The following NUP43 variants were observed in gnomAD, a reference collection of about 807,000 sequenced individuals.
The protein encoded by NUP43 is nucleoporin 43, also known as nucleoporin Nup43.
NUP43 carries 32 observed loss-of-function variants against 47.3 expected under a neutral mutation model. That is an observed-to-expected ratio of 0.68 (90% CI 0.51 to 0.91). The LOEUF (loss-of-function observed/expected upper bound fraction) is 0.91. Among genes scored for constraint, NUP43 ranks in the 40% least tolerant of loss-of-function variants. The probability of loss-of-function intolerance (pLI) is 0.00; values close to 1 mark genes in which losing one functional copy is unlikely to be tolerated. For missense variants in NUP43, 444 were observed against 453.9 expected (o/e 0.98, Z 0.20); for synonymous variants, 147 against 158.4 (o/e 0.93, Z 0.54).
intron 7 of NUP43, 187 bp downstream of exon 7, chr6:149,731,426 G>A: frequency 2.4e-6 from 1 of 423,780 alleles, no homozygotes; most frequent in Non-Finnish European, 4.2e-6. Flanking sequence ...GCCGGGCACG[G>A]TGGTGCATGA....
At chr6:149,748,808 CAAAAAAAAA>C (rs1161065299), upstream of NUP43, among the ~76,000 whole-genome samples, 286 of 87,328 alleles carry the variant, frequency 3.3e-3, 6 homozygotes, top group South Asian at 0.024. Context: ...GACTCCGTCT[CAAAAAAAAA>C]AAAAAAAAAA....
chr6:149,742,974 G>A (rs1396246746), intron 3 of NUP43, among the ~76,000 whole-genome samples: 1 of 151,834 alleles, frequency 6.6e-6, no homozygotes, highest in Non-Finnish European at 1.5e-5. Flanking sequence ...TCAGGGGTTC[G>A]AGACCAGCCT....
intron 2 of NUP43, 43 bp downstream of exon 2, chr6:149,745,897 T>A: frequency 6.4e-7 from 1 of 1,567,560 alleles, no homozygotes; most frequent in Non-Finnish European, 8.6e-7. Context: ...AATGTATTAC[T>A]CAGGACTTTC....
chr6:149,740,718 C>T (rs938544823), intron 4 of NUP43, among the ~76,000 whole-genome samples: 14 of 152,106 alleles, frequency 9.2e-5, no homozygotes, highest in African/African-American at 3.4e-4. Context: ...GAGTGGTCGA[C>T]AGTTAAAAAA....
chr6:149,733,606 T>C (rs1304756833), intron 6 of NUP43, among the ~76,000 whole-genome samples: 2 of 152,060 alleles, frequency 1.3e-5, no homozygotes, highest in Admixed American at 1.3e-4. Flanking sequence ...TCACCATACC[T>C]GGCTAACTTT....
In NUP43 at chr6:149,746,400, G is replaced by C. The variant is rs1199930473; in HGVS notation, c.96C>G (p.Phe32Leu). 6.2e-7 allele frequency: 1 copy of C among 1,614,190 alleles called. No homozygotes were observed. Among genetic ancestry groups the C allele is most frequent in the Non-Finnish European group, 8.5e-7 (1 of 1,180,030 alleles). The change falls in exon 1 of 8, where the codon TTC becomes TTG. Residue 32 changes from phenylalanine (F) to leucine (L), a missense_variant. Physicochemically the swap from Phe to Leu is conservative, Grantham distance 22 (BLOSUM62 0). Coordinates refer to ENST00000340413, the MANE Select transcript of NUP43 (RefSeq NM_198887.3). ...CCTCATTGTCCCAAGATCCTGTAGCGAACGTCTCCGCGGTCTGTAAACTTC... is the reference window on the plus strand; with the variant it reads ...CCTCATTGTCCCAAGATCCTGTAGCCAACGTCTCCGCGGTCTGTAAACTTC... Reference protein sequence around the residue: ...PPGSLQTAETFATGSWDNEEN... With the variant: ...PPGSLQTAETLATGSWDNEEN...
chr6:149,742,631 C>T, intron 3 of NUP43, 61 bp from the exon 4 acceptor site: 1 of 1,247,992 alleles, frequency 8.0e-7, no homozygotes, highest in Non-Finnish European at 1.1e-6. Context: ...CACTTCTTCC[C>T]AACAAGAGTA....
chr6:149,741,247 C>G (rs1486122576), intron 4 of NUP43, among the ~76,000 whole-genome samples: 1 of 152,162 alleles, frequency 6.6e-6, no homozygotes, highest in Admixed American at 6.5e-5. Flanking sequence ...TCTCGGCTCA[C>G]TGCAGCCTCT....
At chr6:149,743,880 C>G (rs1042972500) in intron 2 of NUP43, among the ~76,000 whole-genome samples, 165 bp from the exon 3 acceptor site, 9 of 152,226 alleles carry the variant, frequency 5.9e-5, no homozygotes, top group African/African-American at 2.2e-4. Context: ...AAAGGCCAAA[C>G]TGCCATACAA....
intron 5 of NUP43, among the ~76,000 whole-genome samples, chr6:149,736,837 T>C (rs1308325611): frequency 1.3e-5 from 2 of 152,138 alleles, no homozygotes; most frequent in African/African-American, 2.4e-5. Context: ...TACATGTGTG[T>C]ACCATCATGC....
At chr6:149,730,408 A>G (rs565520053) in intron 7 of NUP43, among the ~76,000 whole-genome samples, 2 of 152,304 alleles carry the variant, frequency 1.3e-5, no homozygotes, top group Admixed American at 6.5e-5. Context: ...AAGATTTGCC[A>G]CTGTCTATGC....
intron 5 of NUP43, 91 bp downstream of exon 5, chr6:149,738,552 A>T: frequency 1.0e-6 from 1 of 984,216 alleles, no homozygotes; most frequent in Non-Finnish European, 1.4e-6. Flanking sequence ...AAATGCAATT[A>T]AAATTCAATA....
Position 149,736,493 on chromosome 6 carries a change from C to G in NUP43, c.768G>C (p.Leu256=). 6.3e-7 allele frequency: 1 copy of G among 1,588,798 alleles called. No individual in the cohort carries two copies. The highest frequency in any genetic ancestry group is 8.6e-7 in the Non-Finnish European group (1 of 1,159,790). ...TACTTTCAGCTTCATGAGCCTTCAG[C>G]AGAGATACAGGCATAGTACCTTGTC... ...DVRQGTMPVS[L]LKAHEAEMWE... The change falls in exon 6 of 8, where the codon CTG becomes CTC. Residue 256 remains leucine, a synonymous_variant. Transcript: ENST00000340413.
At chr6:149,744,225 A>T (rs1785836241) in intron 2 of NUP43, among the ~76,000 whole-genome samples, 1 of 151,870 alleles carries the variant, frequency 6.6e-6, no homozygotes, top group African/African-American at 2.4e-5. Flanking sequence ...AAAAAAGAAT[A>T]AAAATTTTAA....
intron 6 of NUP43, among the ~76,000 whole-genome samples, chr6:149,735,598 C>CAAAAAAAAAA (rs57726234): frequency 1.9e-5 from 1 of 51,310 alleles, no homozygotes; most frequent in African/African-American, 8.5e-5. Context: ...ACCCTGTCTC[C>CAAAAAAAAAA]AAAAAAAAAA....
At chr6:149,741,991 T>C (rs1785681186) in intron 4 of NUP43, among the ~76,000 whole-genome samples, 1 of 152,098 alleles carries the variant, frequency 6.6e-6, no homozygotes, top group Non-Finnish European at 1.5e-5. Context: ...CCTGAGTAGC[T>C]GGGATTACAG....
intron 4 of NUP43, among the ~76,000 whole-genome samples, chr6:149,739,751 G>GTGCT (rs142353401): frequency 0.014 from 2,114 of 152,176 alleles, 49 homozygotes; most frequent in African/African-American, 0.049. Flanking sequence ...CCAAACTCCA[G>GTGCT]TGCTTCCTAC....
At chr6:149,746,281 G>A (rs1050717731) in intron 1 of NUP43, 95 bp downstream of exon 1, 5 of 1,536,316 alleles carry the variant, frequency 3.3e-6, no homozygotes, top group Middle Eastern at 2.3e-4. Flanking sequence ...AGTGCGAGAA[G>A]AACCAGAAGG....
At chr6:149,731,562 TA>T (rs368188588) in intron 7 of NUP43, 50 bp downstream of exon 7, 162,576 of 1,253,926 alleles carry the variant, frequency 0.13, 56 homozygotes, top group South Asian at 0.14. Flanking sequence ...GACTCTGTCT[TA>T]AAAAAAAAAA....
Sources: allele counts gnomAD v4.1 joint callset (sites outside exome capture counted in the v4.1 genomes callset), GRCh38; gene constraint gnomAD v4.1.1; transcripts MANE v1.5; gene names NCBI Gene and HGNC (gene_info 2026-07-23, HGNC 2026-07-21).